SH3YL1: variants seen among roughly 807,000 people sequenced by gnomAD.
The protein encoded by SH3YL1 is SH3 domain-containing YSC84-like protein 1.
In SH3YL1, 41 loss-of-function variants were observed where a neutral mutation model predicts 45.8. The ratio of observed to expected loss-of-function variants is 0.89; its 90% CI spans 0.70 to 1.16. The LOEUF is 1.16. Ranked by LOEUF, SH3YL1 falls within the 50% of genes most tolerant of loss-of-function variation. The pLI, the probability that SH3YL1 is intolerant of heterozygous loss-of-function variation, is 0.00. For synonymous variants in SH3YL1, 152 were observed against 151.4 expected (o/e 1.00, Z -0.03); for missense variants, 389 against 409.6 (o/e 0.95, Z 0.43).
At chr2:239,120 T>TA (rs1668433626) in intron 4 of SH3YL1, among the ~76,000 whole-genome samples, 1 of 152,196 alleles carries the variant, frequency 6.6e-6, no homozygotes, top group Non-Finnish European at 1.5e-5. Context: ...CAGTGGCTGT[T>TA]AAGCAGCATC....
chr2:261,513 A>ATT (rs1179688012), intron 1 of SH3YL1, among the ~76,000 whole-genome samples: 1 of 150,800 alleles, frequency 6.6e-6, no homozygotes, highest in African/African-American at 2.4e-5. Flanking sequence ...ATAGTAACAC[A>ATT]TTTTTTTTTT....
intron 8 of SH3YL1, among the ~76,000 whole-genome samples, chr2:229,002 G>A (rs1402213413): frequency 2.0e-5 from 3 of 152,144 alleles, no homozygotes; most frequent in Non-Finnish European, 4.4e-5. Context: ...CTCTTGTTCT[G>A]AAAGTCCTCT....
intron 2 of SH3YL1, 82 bp from the exon 3 acceptor site, chr2:249,926 T>C (rs1572173069): frequency 1.0e-6 from 1 of 972,406 alleles, no homozygotes; most frequent in South Asian, 1.4e-5. Context: ...ACAGAGTCAG[T>C]GTACACAGAG....
upstream of SH3YL1, chr2:264,823 G>T: frequency 1.0e-6 from 1 of 959,486 alleles, no homozygotes. Context: ...AGCCGATTGC[G>T]CAGGCGTGGC....
intron 1 of SH3YL1, chr2:262,741 A>G: frequency 2.4e-6 from 3 of 1,231,390 alleles, no homozygotes; most frequent in Non-Finnish European, 3.2e-6. Flanking sequence ...GACATGCCAG[A>G]TCCTTATTTC....
chr2:234,227 C>G lies in SH3YL1; in HGVS notation c.337G>C (p.Ala113Pro), dbSNP rs1359838912. 4.3e-6 allele frequency: 7 copies of G among 1,614,134 alleles called. No homozygotes were observed. In the Admixed American group the frequency reaches 1.0e-4, roughly 23 times the overall value. ...IILNYDRAVE[A>P]FAKGGNLTLG... is the part of the protein sequence containing the mutation. ...GTCAGATTTCCGCCTTTTGCAAAAG[C>G]TTCTACAGCACGGTCATAATTCAGA... Residue 113 changes from alanine (A) to proline (P), a missense_variant, in exon 5 of 10, where the codon GCT becomes CCT. By Grantham distance (27) the Ala-to-Pro change is conservative. Coordinates refer to ENST00000356150, the MANE Select transcript of SH3YL1 (RefSeq NM_015677.4).
chr2:257,344 C>T (rs1332599075), intron 1 of SH3YL1, among the ~76,000 whole-genome samples: 1 of 152,184 alleles, frequency 6.6e-6, no homozygotes, highest in Non-Finnish European at 1.5e-5. Context: ...AGCTTATCTT[C>T]CAGAGTTTTT....
At chr2:239,342 T>C (rs982592394) in intron 4 of SH3YL1, among the ~76,000 whole-genome samples, 3 of 152,178 alleles carry the variant, frequency 2.0e-5, no homozygotes, top group Non-Finnish European at 2.9e-5. Flanking sequence ...GGTACTCCAA[T>C]CCCTTTCTGT....
At chr2:221,313 G>A (rs1351914979) in intron 9 of SH3YL1, among the ~76,000 whole-genome samples, 1 of 152,156 alleles carries the variant, frequency 6.6e-6, no homozygotes. Context: ...TTTCCAGACT[G>A]TACAAATAAC....
chr2:261,754 C>G (rs1054997435), intron 1 of SH3YL1, among the ~76,000 whole-genome samples: 4 of 152,146 alleles, frequency 2.6e-5, no homozygotes, highest in African/African-American at 9.7e-5. Context: ...CACGGAGGGT[C>G]AGGAATGAAA....
At chr2:251,774 G>A (rs557717678) in intron 2 of SH3YL1, among the ~76,000 whole-genome samples, 130 of 152,216 alleles carry the variant, frequency 8.5e-4, no homozygotes, top group African/African-American at 3.0e-3. Context: ...CCTCAAGACA[G>A]GAGAAGTCAC....
chr2:247,518 G>A lies in SH3YL1; in HGVS notation c.291+20C>T. On this transcript the variant is annotated intron_variant, in intron 4 of 9. Coordinates refer to ENST00000356150, the MANE Select transcript of SH3YL1 (RefSeq NM_015677.4). ...CTTCAGAGGATATGGCAGTTGTATG[G>A]ACGTGCACAAGCTACTTACCTCAAT... 6.5e-7 allele frequency: 1 copy of A among 1,546,980 alleles called. No individual in the cohort carries two copies. The highest frequency in any genetic ancestry group is 8.7e-7 in the Non-Finnish European group (1 of 1,143,104).
chr2:239,333 G>T (rs1371728647), intron 4 of SH3YL1, among the ~76,000 whole-genome samples: 1 of 152,136 alleles, frequency 6.6e-6, no homozygotes, highest in Admixed American at 6.5e-5. Context: ...TAAGAAGGTG[G>T]TACTCCAATC....
In SH3YL1 at chr2:231,094, T is replaced by TA. The variant is rs1668015518; in HGVS notation, c.630dup (p.Thr211TyrfsTer2). On this transcript the variant is annotated frameshift_variant, in exon 7 of 10. Transcript: ENST00000356150. LOFTEE classifies it high-confidence loss of function. The stretch of plus-strand genomic sequence containing the variant: ...TGTCCTTCATTTTCATACTTTTCAG[T>TA]AAAGGAATCAAGAATTTCATAAAGA... 1 of 1,613,954 alleles carries TA rather than the reference T, an allele frequency of 6.2e-7. No individual in the cohort carries two copies. The highest frequency in any genetic ancestry group is 1.3e-5 in the African/African-American group (1 of 74,886).
intron 1 of SH3YL1, chr2:262,095 T>C (rs1669609219): frequency 6.5e-6 from 1 of 154,202 alleles, no homozygotes; most frequent in Non-Finnish European, 1.5e-5. Flanking sequence ...ATCTAATCTT[T>C]AGAGAGGCTT....
At chr2:246,067 C>T (rs540680439) in intron 4 of SH3YL1, among the ~76,000 whole-genome samples, 39 of 151,628 alleles carry the variant, frequency 2.6e-4, no homozygotes, top group South Asian at 4.2e-4. Context: ...TGGTGGTGCA[C>T]GCCTGTAGTC....
At chr2:244,147 A>G (rs1276057416) in intron 4 of SH3YL1, among the ~76,000 whole-genome samples, 1 of 151,978 alleles carries the variant, frequency 6.6e-6, no homozygotes, top group East Asian at 1.9e-4. Context: ...AGCGATGACA[A>G]CCACCTTCCA....
In SH3YL1 at chr2:247,563, C is replaced by G; in HGVS notation, c.266G>C (p.Gly89Ala). ...CTCAATTCCTATTTCAAATCCTCCA[C>G]CAAGGCCAGCTATCCCAATGGCTGA... is the stretch of plus-strand genomic sequence containing the variant. ...APSAIGIAGLGGGFEIGIEVS... is the reference protein window; with the variant it reads ...APSAIGIAGLAGGFEIGIEVS... The change falls in exon 4 of 10, where the codon GGT becomes GCT. Residue 89 changes from glycine to alanine, a missense_variant. Transcript: ENST00000356150. The G allele has an allele frequency of 6.4e-7, 1 of 1,551,678 alleles. No individual in the cohort carries two copies. The highest frequency in any genetic ancestry group is 8.7e-7 in the Non-Finnish European group (1 of 1,146,964).
chr2:253,817 C>G (rs989330754), intron 1 of SH3YL1, among the ~76,000 whole-genome samples: 9 of 152,082 alleles, frequency 5.9e-5, no homozygotes, highest in African/African-American at 9.7e-5. Flanking sequence ...GATCGGGACC[C>G]CTTTTTGGTA....
Sources: allele counts gnomAD v4.1 joint callset (sites outside exome capture counted in the v4.1 genomes callset), GRCh38; gene constraint gnomAD v4.1.1; transcripts MANE v1.5; gene names NCBI Gene and HGNC (gene_info 2026-07-23, HGNC 2026-07-21).